Variants in MOGAT1 observed in about 807,000 individuals in gnomAD.
The protein encoded by MOGAT1 is 2-acylglycerol O-acyltransferase 1.
MOGAT1 carries 32 observed loss-of-function variants against 31.4 expected under a neutral mutation model. That is an observed-to-expected ratio of 1.02 (90% confidence interval 0.77 to 1.37). The LOEUF (loss-of-function observed/expected upper bound fraction) is 1.37. Among genes scored for constraint, MOGAT1 ranks in the 40% most tolerant of loss-of-function variants. The pLI is 0.00. For missense variants in MOGAT1, 426 were observed against 402.0 expected (o/e 1.06, Z -0.51); for synonymous variants, 145 against 144.5 (o/e 1.00, Z -0.03).
chr2:222,682,940 A>T (rs752228980), intron 1 of MOGAT1, among the ~76,000 whole-genome samples: 1 of 152,216 alleles, frequency 6.6e-6, no homozygotes, highest in Non-Finnish European at 1.5e-5. Flanking sequence ...ACAGTGGCTC[A>T]CACCTGTCAT....
intron 5 of MOGAT1, among the ~76,000 whole-genome samples, chr2:222,701,578 AAGAAAAAG>A (rs1337600148): frequency 7.6e-6 from 1 of 132,140 alleles, no homozygotes; most frequent in Non-Finnish European, 1.6e-5. Context: ...AAAGAAAAGA[AAGAAAAAG>A]AAAGAAAGAA....
intron 3 of MOGAT1, among the ~76,000 whole-genome samples, chr2:222,691,197 TTA>T (rs941993735): frequency 6.3e-4 from 65 of 103,822 alleles, no homozygotes; most frequent in African/African-American, 3.2e-3. Flanking sequence ...TATTTATTTT[TTA>T]TTTTATTTTA....
At chr2:222,672,546 G>T (rs1363275392) in intron 1 of MOGAT1, among the ~76,000 whole-genome samples, 2 of 152,096 alleles carry the variant, frequency 1.3e-5, no homozygotes, top group African/African-American at 4.8e-5. Context: ...CAAAAACGTG[G>T]GTGGTTTTTC....
At position 222,690,687 on chromosome 2, in the gene MOGAT1, T is replaced by C. The variant is rs926936650; in HGVS notation, c.478+1218T>C. ...TCACTAAGCACCCAGGTACCAGAAT[T>C]CACCGCTGAGTTTTCAGGTTGTTTT... is the stretch of plus-strand genomic sequence containing the variant. On this transcript the variant is annotated intron_variant, in intron 3 of 5. Transcript: ENST00000446656. Among the ~76,000 whole-genome samples, 10 of 152,300 alleles carry C rather than the reference T, an allele frequency of 6.6e-5. No individual in the cohort carries two copies. In the South Asian group the frequency reaches 1.9e-3, roughly 28 times the overall value.
At chr2:222,672,857 G>A (rs985549241) in intron 1 of MOGAT1, among the ~76,000 whole-genome samples, 5 of 150,916 alleles carry the variant, frequency 3.3e-5, no homozygotes, top group Non-Finnish European at 7.4e-5. Context: ...CTTCTAAAAA[G>A]TGCAGATGCC....
chr2:222,695,368 G>A (rs767118308), intron 5 of MOGAT1, 80 bp downstream of exon 5: 1 of 960,978 alleles, frequency 1.0e-6, no homozygotes, highest in Non-Finnish European at 1.5e-6. Flanking sequence ...TAATGCAAGG[G>A]AAGTGGCTTT....
chr2:222,703,535 A>T (rs1692959940), intron 5 of MOGAT1, among the ~76,000 whole-genome samples: 1 of 152,098 alleles, frequency 6.6e-6, no homozygotes, highest in African/African-American at 2.4e-5. Flanking sequence ...GTGCTCAATG[A>T]ATGTTCATGA....
chr2:222,702,647 A>T (rs965196958), intron 5 of MOGAT1, among the ~76,000 whole-genome samples: 2 of 152,092 alleles, frequency 1.3e-5, no homozygotes, highest in Admixed American at 6.5e-5. Context: ...TAGGTAAGGG[A>T]ATGCATTTTA....
intron 3 of MOGAT1, among the ~76,000 whole-genome samples, chr2:222,692,208 T>G (rs183780796): frequency 2.6e-5 from 4 of 151,924 alleles, no homozygotes; most frequent in Admixed American, 2.0e-4. Flanking sequence ...AAGGGAGAGG[T>G]GATAAGGGCT....
intron 1 of MOGAT1, among the ~76,000 whole-genome samples, chr2:222,679,223 C>A (rs922710851): frequency 2.6e-5 from 4 of 152,164 alleles, no homozygotes; most frequent in African/African-American, 9.7e-5. Context: ...TTTCTAGACT[C>A]TCTAGTCTGT....
chr2:222,691,675 C>T (rs896763887), intron 3 of MOGAT1, among the ~76,000 whole-genome samples: 3 of 152,150 alleles, frequency 2.0e-5, no homozygotes, highest in African/African-American at 7.2e-5. Context: ...TAGGACAGCC[C>T]TTGGTCCAAG....
intron 5 of MOGAT1, among the ~76,000 whole-genome samples, chr2:222,702,896 T>TA (rs552610230): frequency 6.6e-6 from 1 of 151,824 alleles, no homozygotes; most frequent in African/African-American, 2.4e-5. Context: ...AAAATATTTT[T>TA]AAAAAAATAA....
chr2:222,671,880 G>C lies in MOGAT1; in HGVS notation c.94+1G>C. The C allele has an allele frequency of 1.9e-6, 3 of 1,550,564 alleles. No individual in the cohort carries two copies. The highest frequency in any genetic ancestry group is 2.6e-6 in the Non-Finnish European group (3 of 1,146,378). ...TGGGTCCTGAAATACCTGCTGCTCG[G>C]TAAGGACCCCGCCCCCCGGGCCGCG... is the stretch of plus-strand genomic sequence containing the variant. On this transcript the variant is annotated splice_donor_variant, in intron 1 of 5. Transcript: ENST00000446656. LOFTEE classifies it high-confidence loss of function.
intron 5 of MOGAT1, among the ~76,000 whole-genome samples, chr2:222,698,091 T>A (rs1413240452): frequency 3.5e-5 from 5 of 141,538 alleles, no homozygotes; most frequent in Non-Finnish European, 7.6e-5. Context: ...GGGAAGCAGG[T>A]CATAGACATA....
chr2:222,684,586 T>C lies in MOGAT1; in HGVS notation c.95-3758T>C, dbSNP rs117745827. Among the ~76,000 whole-genome samples the C allele has an allele frequency of 1.5e-3, 229 of 151,424 alleles. 2 individuals carry two copies. In the East Asian group the frequency reaches 0.04, roughly 26 times the overall value. ...GCTTAGCCATCCAGTATCTTACTTC[T>C]TTTTTTTTGAGACAGAGTCTTGCCC... On this transcript the variant is annotated intron_variant, in intron 1 of 5. Transcript: ENST00000446656.
chr2:222,680,172 G>A (rs1415752047), intron 1 of MOGAT1, among the ~76,000 whole-genome samples: 1 of 152,204 alleles, frequency 6.6e-6, no homozygotes, highest in African/African-American at 2.4e-5. Context: ...AAAATTTGGA[G>A]AAAGTACATT....
chr2:222,672,759 G>A, intron 1 of MOGAT1, among the ~76,000 whole-genome samples: 1 of 151,940 alleles, frequency 6.6e-6, no homozygotes, highest in East Asian at 1.9e-4. Context: ...GCATTGGAGA[G>A]TTTTACACTT....
chr2:222,681,586 C>G (rs1692581500), intron 1 of MOGAT1, among the ~76,000 whole-genome samples: 1 of 152,152 alleles, frequency 6.6e-6, no homozygotes, highest in Non-Finnish European at 1.5e-5. Flanking sequence ...CTCATTTAGG[C>G]ATGATCAGTT....
At chr2:222,687,111 CT>C (rs1463615970) in intron 1 of MOGAT1, among the ~76,000 whole-genome samples, 2 of 56,400 alleles carry the variant, frequency 3.5e-5, no homozygotes, top group Non-Finnish European at 6.1e-5. Flanking sequence ...GAGACTCCAT[CT>C]CAAAAAAAAA....
Sources: gnomAD v4.1 joint callset for allele counts (sites outside exome capture counted in the v4.1 genomes callset) on GRCh38, gnomAD v4.1.1 for gene constraint, MANE v1.5 for transcripts, NCBI Gene and HGNC (gene_info 2026-07-23, HGNC 2026-07-21) for gene names.